The following SPTBN5 variants were observed in gnomAD, a reference collection of about 807,000 sequenced individuals.
SPTBN5 encodes the protein spectrin beta, non-erythrocytic 5.
A neutral mutation model predicts 477.6 loss-of-function variants in SPTBN5; 513 were observed. The observed-to-expected ratio is 1.07, with a 90% CI of 1.00 to 1.16. The LOEUF is 1.16. SPTBN5 is among the 50% of genes most tolerant of loss of function. The pLI is 0.00. For synonymous variants in SPTBN5, 2,169 were observed against 2,011.7 expected, an observed-to-expected ratio of 1.08 and a Z score of -2.09; for missense variants, 5,062 against 4,731.8, an observed-to-expected ratio of 1.07 and a Z score of -2.05.
At chr15:41,867,260 C>T in intron 35 of SPTBN5, 134 bp from the exon 36 acceptor site, 2 of 1,111,562 alleles carry the variant, frequency 1.8e-6, no homozygotes, top group Non-Finnish European at 2.5e-6. Flanking sequence ...GGTATCTGAT[C>T]CTCCCAGCCA....
chr15:41,877,451 T>C, intron 17 of SPTBN5, 95 bp from the exon 18 acceptor site: 2 of 1,468,362 alleles, frequency 1.4e-6, no homozygotes, highest in African/African-American at 1.4e-5. Context: ...TCTTGGATCA[T>C]GAATGAGACA....
At chr15:41,850,648 C>T (rs1366074244) in intron 66 of SPTBN5, 8 of 580,616 alleles carry the variant, frequency 1.4e-5, no homozygotes, top group Non-Finnish European at 2.4e-5. Context: ...CTGGCCCCAT[C>T]TCTGCTAATT....
At position 41,883,401 on chromosome 15, in the gene SPTBN5, G is replaced by C. The variant is rs1369376109; in HGVS notation, c.1606C>G (p.Leu536Val). ...RKQVADMQAV[L>V]SLLQEVEAAS... is the part of the protein sequence containing the mutation. ...GCCTCCACCTCCTGCAGCAGGCTCAGCACAGCCTGCATGTCTGCCACCTGC... is the reference window on the plus strand; with the variant it reads ...GCCTCCACCTCCTGCAGCAGGCTCACCACAGCCTGCATGTCTGCCACCTGC... The change falls in exon 8 of 68, where the codon CTG becomes GTG. Residue 536 changes from leucine to valine, a missense_variant. By Grantham distance (32) the Leu-to-Val change is conservative. Transcript: ENST00000320955. 10 of 1,613,738 alleles carry C rather than the reference G, an allele frequency of 6.2e-6. No homozygotes were observed. Among genetic ancestry groups the C allele is most frequent in the Non-Finnish European group, 7.6e-6 (9 of 1,179,894 alleles).
chr15:41,881,390 TG>T (rs2066947139), intron 12 of SPTBN5, among the ~76,000 whole-genome samples, 156 bp from the exon 13 acceptor site: 2 of 152,116 alleles, frequency 1.3e-5, no homozygotes, highest in South Asian at 2.1e-4. Context: ...GAAGCTTCCT[TG>T]GGGCTGAGGG....
In SPTBN5 at chr15:41,882,163, G is replaced by A. The variant is rs568666158; in HGVS notation, c.2248-18C>T. ...GCGAAGTACTGTGGGAGGGGGTCGG[G>A]GGTGGTGTGGGTGAAGGGGCGCGGC... On this transcript the variant is annotated intron_variant, in intron 11 of 67. Transcript: ENST00000320955. 21 of 1,551,352 alleles carry A rather than the reference G, an allele frequency of 1.4e-5. 1 individual carries two copies. The African/African-American group carries it at 2.9e-4, about 22-fold the overall frequency.
Position 41,856,901 on chromosome 15 carries a change from G to A in SPTBN5, c.8760C>T (p.Asp2920=), listed in dbSNP as rs1296331069. The A allele has an allele frequency of 1.9e-6, 3 of 1,552,768 alleles. No individual in the cohort carries two copies. The highest frequency in any genetic ancestry group is 1.4e-5 in the African/African-American group (1 of 73,270). ...QEKLPLAAAQ[D]YGQSLSAVRH... ...GCACCGCACTCAGGCTCTGGCCATA[G>A]TCCTGGGCAGCGGCCAGAGGCAGCT... is the stretch of plus-strand genomic sequence containing the variant. Residue 2920 remains aspartate, a synonymous_variant, in exon 52 of 68, where the codon GAC becomes GAT. Transcript: ENST00000320955.
chr15:41,880,677 G>C (rs2066919004), intron 13 of SPTBN5, among the ~76,000 whole-genome samples: 1 of 152,180 alleles, frequency 6.6e-6, no homozygotes, highest in African/African-American at 2.4e-5. Flanking sequence ...GGCCTCCCCA[G>C]CGTCTGTGCT....
chr15:41,881,805 C>T, intron 12 of SPTBN5, 131 bp downstream of exon 12: 1 of 799,688 alleles, frequency 1.3e-6, no homozygotes, highest in Non-Finnish European at 1.9e-6. Context: ...GGGTGAGGGA[C>T]ACCTACACCC....
chr15:41,880,381 AG>A (rs1689554497), intron 13 of SPTBN5, 69 bp from the exon 14 acceptor site: 3 of 1,472,756 alleles, frequency 2.0e-6, no homozygotes, highest in Non-Finnish European at 2.7e-6. Flanking sequence ...AGCGGGTCAA[AG>A]GGGTGCTCCT....
chr15:41,888,080 C>A lies in SPTBN5; in HGVS notation c.507G>T (p.Glu169Asp). The change falls in exon 5 of 68, where the codon GAG becomes GAT. Residue 169 changes from glutamate to aspartate, a missense_variant. Coordinates refer to ENST00000320955, the MANE Select transcript of SPTBN5 (RefSeq NM_016642.4). Reference protein sequence around the residue: ...QISHISLDKEEFGASAALLST... With the variant: ...QISHISLDKEDFGASAALLST... ...ACAGCAGGGCTGCGCTGGCCCCAAA[C>A]TCCTCCTGGCGGGACAGGGCAGCAG... 1 of 1,568,522 alleles carries A rather than the reference C, an allele frequency of 6.4e-7. No individual in the cohort carries two copies. The highest frequency in any genetic ancestry group is 2.4e-5 in the East Asian group (1 of 42,386).
rs1330287212 is a variant in SPTBN5, at chr15:41,857,300, A to G, written c.8559T>C (p.Phe2853=). The G allele has an allele frequency of 1.3e-6, 2 of 1,571,498 alleles. No individual in the cohort carries two copies. Among genetic ancestry groups the G allele is most frequent in the Non-Finnish European group, 1.7e-6 (2 of 1,158,874 alleles). Residue 2853 remains phenylalanine, a synonymous_variant, in exon 51 of 68, where the codon TTT becomes TTC. Coordinates refer to ENST00000320955, the MANE Select transcript of SPTBN5 (RefSeq NM_016642.4). The stretch of plus-strand genomic sequence containing the variant: ...GGGCAAGGCAGTGGCCTTCCCTCAC[A>G]AAGGCCTGGGCCTGGCCCAGCAGTG... ...AEALLGQAQA[F]VREGHCLAQD...
Position 41,869,918 on chromosome 15 carries a change from C to T in SPTBN5, c.5776G>A (p.Ala1926Thr). The T allele has an allele frequency of 6.4e-7, 1 of 1,552,044 alleles. No individual in the cohort carries two copies. Among genetic ancestry groups the T allele is most frequent in the Non-Finnish European group, 8.7e-7 (1 of 1,148,724 alleles). The change falls in exon 32 of 68, where the codon GCA becomes ACA. Residue 1926 changes from alanine (A) to threonine (T), a missense_variant. Ala to Thr is a moderately conservative substitution (Grantham distance 58, BLOSUM62 0). Transcript: ENST00000320955. Reference protein sequence around the residue: ...QRQQAVTQAWAVLQRRMEQRR... With the variant: ...QRQQAVTQAWTVLQRRMEQRR... ...TGCTCCATGCGTCGCTGCAGCACTG[C>T]CCACGCCTGCGTCACAGCTTGCTGC...
chr15:41,850,003 T>A (rs370110080), intron 66 of SPTBN5, 44 bp from the exon 67 acceptor site: 1 of 1,486,612 alleles, frequency 6.7e-7, no homozygotes, highest in Admixed American at 2.0e-5. Flanking sequence ...GCCCAGACCA[T>A]CTGCAGGCGC....
In SPTBN5 at chr15:41,871,470, G is replaced by C; in HGVS notation, c.5352C>G (p.Ser1784Arg). 6.5e-7 allele frequency: 1 copy of C among 1,537,506 alleles called. No homozygotes were observed. The highest frequency in any genetic ancestry group is 1.2e-5 in the South Asian group (1 of 81,982). The change falls in exon 29 of 68, where the codon AGC becomes AGG. Residue 1784 changes from serine (S) to arginine (R), a missense_variant. By Grantham distance (110) the Ser-to-Arg change is moderately radical. Transcript: ENST00000320955. Reference sequence around the variant, plus strand: ...GCAGCCGGCAGGCGGCCACCCGCTGGCTGCCCATCTCCACTTGGTGCTGAA... The same window carrying C: ...GCAGCCGGCAGGCGGCCACCCGCTGCCTGCCCATCTCCACTTGGTGCTGAA... ...AKFQHQVEMG[S>R]QRVAACRLLA...
chr15:41,875,266 G>A (rs1364429491), intron 22 of SPTBN5, among the ~76,000 whole-genome samples, 192 bp downstream of exon 22: 1 of 152,190 alleles, frequency 6.6e-6, no homozygotes, highest in Non-Finnish European at 1.5e-5. Context: ...CTGACCACCC[G>A]CTGGGCACAC....
At chr15:41,889,865 GC>G (rs1418816394) in intron 4 of SPTBN5, among the ~76,000 whole-genome samples, 2 of 152,356 alleles carry the variant, frequency 1.3e-5, no homozygotes, top group East Asian at 3.9e-4. Context: ...CTGGTTTGAA[GC>G]CCATGGCCCT....
At position 41,860,632 on chromosome 15, in the gene SPTBN5, G is replaced by A; in HGVS notation, c.7942C>T (p.Pro2648Ser). The A allele has an allele frequency of 6.5e-7, 1 of 1,527,162 alleles. No individual in the cohort carries two copies. Among genetic ancestry groups the A allele is most frequent in the South Asian group, 1.3e-5 (1 of 79,524 alleles). 94.6% of individuals were successfully genotyped at this position (1,527,162 alleles called of 1,614,324 possible). Residue 2648 changes from proline to serine, a missense_variant, in exon 47 of 68, where the codon CCC becomes TCC. Coordinates refer to ENST00000320955, the MANE Select transcript of SPTBN5 (RefSeq NM_016642.4). ...TARGLHQGGH[P>S]EAQSALGRCQ... ...CTGCCCAGGGCACTCTGGGCCTCGG[G>A]GTGCCCACCCTGGTGCAGGCCGCGG...
At position 41,856,489 on chromosome 15, in the gene SPTBN5, C is replaced by T. The variant is rs370549463; in HGVS notation, c.8918G>A (p.Arg2973Gln). ...CATGGCCTTCTCCAGCTGCTGCACCCGGGCGGCCACCTCGTGGGCGGCAAA... is the reference window on the plus strand; with the variant it reads ...CATGGCCTTCTCCAGCTGCTGCACCTGGGCGGCCACCTCGTGGGCGGCAAA... The part of the protein sequence containing the change: ...GHFAAHEVAA[R>Q]VQQLEKAMAH... Residue 2973 changes from arginine to glutamine, a missense_variant, in exon 53 of 68, where the codon CGG (arginine) becomes CAG (glutamine). By Grantham distance (43) the Arg-to-Gln change is conservative (BLOSUM62 1). Transcript: ENST00000320955. 2.9e-5 allele frequency: 47 copies of T among 1,596,534 alleles called. No individual in the cohort carries two copies. The East Asian group carries it at 4.8e-4, about 16-fold the overall frequency.
At position 41,887,316 on chromosome 15, in the gene SPTBN5, G is replaced by C. The variant is rs770758238; in HGVS notation, c.785C>G (p.Ala262Gly). Residue 262 changes from alanine (A) to glycine (G), a missense_variant, in exon 6 of 68, where the codon GCC (alanine) becomes GGC (glycine). Transcript: ENST00000320955. Reference protein sequence around the residue: ...AQLLDPEDVAAAQPDERSIMT... With the variant: ...AQLLDPEDVAGAQPDERSIMT... Reference sequence around the variant, plus strand: ...GATAGAGCGCTCATCTGGCTGTGCGGCTGCCACGTCCTCGGGGTCCAGCAG... The same window carrying C: ...GATAGAGCGCTCATCTGGCTGTGCGCCTGCCACGTCCTCGGGGTCCAGCAG... The C allele has an allele frequency of 1.3e-6, 2 of 1,551,320 alleles. No individual in the cohort carries two copies. Among genetic ancestry groups the C allele is most frequent in the Non-Finnish European group, 1.7e-6 (2 of 1,147,052 alleles).
Sources: allele counts gnomAD v4.1 joint callset (sites outside exome capture counted in the v4.1 genomes callset), GRCh38; gene constraint gnomAD v4.1.1; transcripts MANE v1.5; gene names NCBI Gene and HGNC (gene_info 2026-07-23, HGNC 2026-07-21).